The following COL9A1 variants were observed in gnomAD, a reference collection of about 807,000 sequenced individuals.
The protein encoded by COL9A1 is collagen alpha-1(IX) chain.
In COL9A1, 104 loss-of-function variants were observed where a neutral mutation model predicts 142.6. The observed-to-expected ratio is 0.73, with a 90% confidence interval of 0.62 to 0.86. COL9A1 has a LOEUF of 0.86. Ranked by LOEUF, COL9A1 falls within the 40% of genes least tolerant of loss-of-function variation. The pLI is 0.00. For missense variants in COL9A1, 1,210 were observed against 1,176.6 expected (o/e 1.03, Z -0.42); for synonymous variants, 466 against 396.0 (o/e 1.18, Z -2.10).
At position 70,234,523 on chromosome 6, in the gene COL9A1, AT is replaced by A; in HGVS notation, c.2314+15del. ...AGTTGATGGTGGAAAAAGTCAAACC[AT>A]TGTGATTTATTTACCTTGTATGACT... On this transcript the variant is annotated intron_variant, in intron 35 of 37. Transcript: ENST00000357250. 4 of 1,613,634 alleles carry A rather than the reference AT, an allele frequency of 2.5e-6. No homozygotes were observed. The highest frequency in any genetic ancestry group is 2.5e-6 in the Non-Finnish European group (3 of 1,179,536).
intron 37 of COL9A1, among the ~76,000 whole-genome samples, chr6:70,221,652 C>T (rs1410646542): frequency 6.6e-6 from 1 of 152,198 alleles, no homozygotes; most frequent in Admixed American, 6.5e-5. Context: ...CAAAAAGCAC[C>T]TTAGCTCACA....
intron 10 of COL9A1, 80 bp downstream of exon 10, chr6:70,280,732 T>C (rs1583323581): frequency 1.3e-5 from 18 of 1,376,614 alleles, no homozygotes; most frequent in Middle Eastern, 2.3e-4. Context: ...TCTCTCTCCC[T>C]CCCCCCCCAC....
chr6:70,294,378 C>T lies in COL9A1; in HGVS notation c.485G>A (p.Gly162Glu), dbSNP rs1464239976. 6.2e-7 allele frequency: 1 copy of T among 1,614,100 alleles called. No homozygotes were observed. Among genetic ancestry groups the T allele is most frequent in the South Asian group, 1.1e-5 (1 of 91,072 alleles). ...CGAAAAGGCTGCTGTTTGGAGACTT[C>T]CATCCAGTCCCTTGTATGAAAATAC... ...SVVFSYKGLD[G>E]SLQTAAFSNL... The change falls in exon 5 of 38, where the codon GGA becomes GAA. Residue 162 changes from glycine to glutamate, a missense_variant. Gly to Glu is a moderately conservative substitution (Grantham distance 98, BLOSUM62 -2). Coordinates refer to ENST00000357250, the MANE Select transcript of COL9A1 (RefSeq NM_001851.6).
chr6:70,301,608 T>C (rs1774067120), intron 2 of COL9A1, among the ~76,000 whole-genome samples: 2 of 152,108 alleles, frequency 1.3e-5, no homozygotes, highest in Admixed American at 6.5e-5. Context: ...TAAAAAAGCA[T>C]GGGCCTAACC....
chr6:70,254,611 T>C, intron 24 of COL9A1, 82 bp from the exon 25 acceptor site: 1 of 1,346,078 alleles, frequency 7.4e-7, no homozygotes, highest in African/African-American at 1.4e-5. Context: ...CACAGACGTT[T>C]TAAGTAAAAG....
chr6:70,280,897 G>A (rs1241211006), intron 9 of COL9A1, 23 bp from the exon 10 acceptor site: 5 of 1,613,004 alleles, frequency 3.1e-6, no homozygotes, highest in Non-Finnish European at 4.2e-6. Flanking sequence ...AGAAGGGTGC[G>A]GGGGCAGGAG....
chr6:70,224,296 C>T (rs1310511055), intron 37 of COL9A1, among the ~76,000 whole-genome samples: 3 of 152,148 alleles, frequency 2.0e-5, no homozygotes, highest in Non-Finnish European at 4.4e-5. Flanking sequence ...CGCCCCCCAT[C>T]AACTTGGCTC....
At chr6:70,238,498 G>C (rs1416140862) in intron 33 of COL9A1, among the ~76,000 whole-genome samples, 1 of 152,116 alleles carries the variant, frequency 6.6e-6, no homozygotes, top group African/African-American at 2.4e-5. Flanking sequence ...ATTTTCTTAT[G>C]CATTATTCCT....
intron 28 of COL9A1, chr6:70,246,262 A>AG (rs1554236560): frequency 6.6e-6 from 1 of 152,072 alleles, no homozygotes; most frequent in Admixed American, 6.6e-5. Context: ...CGGGAGGCTG[A>AG]GGGGGGAGAA....
At chr6:70,260,318 G>T (rs1192550221) in intron 20 of COL9A1, among the ~76,000 whole-genome samples, 2 of 152,062 alleles carry the variant, frequency 1.3e-5, no homozygotes, top group African/African-American at 4.8e-5. Flanking sequence ...GAGCCAGGTG[G>T]ATTACCTGAG....
chr6:70,282,267 A>G (rs1455513638), intron 7 of COL9A1, among the ~76,000 whole-genome samples: 2 of 152,268 alleles, frequency 1.3e-5, no homozygotes, highest in African/African-American at 4.8e-5. Context: ...TTGTTTTTCT[A>G]AACTCCAACG....
At chr6:70,289,802 G>A (rs371072617) in intron 5 of COL9A1, among the ~76,000 whole-genome samples, 8 of 152,066 alleles carry the variant, frequency 5.3e-5, no homozygotes, top group South Asian at 2.1e-4. Context: ...CTTTCCAATA[G>A]TAATTCTCAA....
Position 70,254,845 on chromosome 6 carries a change from G to A in COL9A1, c.1665+118C>T, listed in dbSNP as rs1309382661. On this transcript the variant is annotated intron_variant, in intron 24 of 37. Coordinates refer to ENST00000357250, the MANE Select transcript of COL9A1 (RefSeq NM_001851.6). The stretch of plus-strand genomic sequence containing the variant: ...CACTTGATTCAAAAATTAAAGGAAG[G>A]GAAAAAGCCAAAGCTAGCTAAATAA... 4.2e-6 allele frequency: 4 copies of A among 961,002 alleles called. No individual in the cohort carries two copies. In the South Asian group the frequency reaches 5.5e-5, roughly 13 times the overall value. The allele number at this position is 961,002 out of a possible 1,614,324, so 59.5% of individuals were successfully genotyped here.
At chr6:70,280,480 C>A in intron 10 of COL9A1, 1 of 1,300,132 alleles carries the variant, frequency 7.7e-7, no homozygotes, top group Admixed American at 3.5e-5. Context: ...AATCTATTGC[C>A]ATCCGTACCC....
chr6:70,298,063 T>C (rs912149817), intron 4 of COL9A1, among the ~76,000 whole-genome samples: 1 of 152,224 alleles, frequency 6.6e-6, no homozygotes, highest in Admixed American at 6.5e-5. Context: ...ACACCTCGTA[T>C]GGCCGAGAGC....
chr6:70,297,720 T>A (rs1255041604), intron 4 of COL9A1, among the ~76,000 whole-genome samples: 1 of 152,122 alleles, frequency 6.6e-6, no homozygotes, highest in Non-Finnish European at 1.5e-5. Context: ...GATTAAATAG[T>A]CTTTGGACCT....
At chr6:70,280,909 GA>G in intron 9 of COL9A1, 35 bp from the exon 10 acceptor site, 1 of 1,613,392 alleles carries the variant, frequency 6.2e-7, no homozygotes, top group Non-Finnish European at 8.5e-7. Context: ...GGGCAGGAGA[GA>G]AAAAGGTGCA....
chr6:70,224,017 G>C (rs994074162), intron 37 of COL9A1, among the ~76,000 whole-genome samples: 39 of 152,106 alleles, frequency 2.6e-4, no homozygotes, highest in Non-Finnish European at 4.7e-4. Context: ...CAGGGGCAAG[G>C]ACTGGCCAAA....
chr6:70,255,092 T>C (rs1200547830), intron 23 of COL9A1, 58 bp downstream of exon 23: 20 of 1,613,156 alleles, frequency 1.2e-5, no homozygotes, highest in Non-Finnish European at 1.6e-5. Context: ...TTCTAAAGTT[T>C]CATTGCAAGT....
Sources: gnomAD v4.1 joint callset for allele counts (sites outside exome capture counted in the v4.1 genomes callset) on GRCh38, gnomAD v4.1.1 for gene constraint, MANE v1.5 for transcripts, NCBI Gene and HGNC (gene_info 2026-07-23, HGNC 2026-07-21) for gene names.